Variants in PPP2R2B observed in about 807,000 individuals in gnomAD.
The protein encoded by PPP2R2B is protein phosphatase 2 regulatory subunit Bbeta.
In PPP2R2B, 5 loss-of-function variants were observed where a neutral mutation model predicts 46.0. The ratio of observed to expected loss-of-function variants is 0.11; its 90% CI spans 0.06 to 0.23. The LOEUF (loss-of-function observed/expected upper bound fraction) is 0.23, where lower values mean the gene tolerates loss of function less well. PPP2R2B is among the 10% of genes least tolerant of loss of function. PPP2R2B has a pLI of 1.00. For missense variants in PPP2R2B, 367 were observed against 575.0 expected (o/e 0.64, Z 3.70); for synonymous variants, 215 against 206.7 (o/e 1.04, Z -0.34).
chr5:146,638,905 T>C (rs1172655777), intron 6 of PPP2R2B, among the ~76,000 whole-genome samples: 3 of 152,230 alleles, frequency 2.0e-5, no homozygotes, highest in Non-Finnish European at 1.5e-5. Context: ...AGCCCTTCTT[T>C]ATAATATGTT....
chr5:146,826,695 A>G (rs1397220164), intron 2 of PPP2R2B, among the ~76,000 whole-genome samples: 2 of 152,184 alleles, frequency 1.3e-5, no homozygotes, highest in East Asian at 3.8e-4. Flanking sequence ...ACACCATTTA[A>G]AAATTGCATT....
intron 2 of PPP2R2B, among the ~76,000 whole-genome samples, chr5:146,754,549 G>A (rs1054769488): frequency 6.6e-6 from 1 of 152,130 alleles, no homozygotes; most frequent in African/African-American, 2.4e-5. Context: ...AGCTTAATTC[G>A]CCTCCACTTG....
chr5:146,634,954 C>T (rs910012496), intron 7 of PPP2R2B, among the ~76,000 whole-genome samples: 1 of 152,064 alleles, frequency 6.6e-6, no homozygotes, highest in African/African-American at 2.4e-5. Flanking sequence ...ATGAGGCCTC[C>T]TATATCTGGC....
intron 1 of PPP2R2B, among the ~76,000 whole-genome samples, chr5:147,047,268 T>A (rs1756587853): frequency 6.6e-6 from 1 of 152,052 alleles, no homozygotes; most frequent in South Asian, 2.1e-4. Context: ...AACAATAATG[T>A]CTTAGTTACA....
chr5:146,858,557 T>C (rs1311320086), intron 2 of PPP2R2B, among the ~76,000 whole-genome samples: 1 of 151,916 alleles, frequency 6.6e-6, no homozygotes, highest in Admixed American at 6.6e-5. Flanking sequence ...AAAATGGAAA[T>C]GAGGCAAAAA....
At position 146,587,535 on chromosome 5, in the gene PPP2R2B, T is replaced by C. The variant is rs1315305347; in HGVS notation, c.*2412A>G. The C allele has an allele frequency of 1.3e-5, 2 of 152,214 alleles. No homozygotes were observed. The highest frequency in any genetic ancestry group is 1.9e-4 in the East Asian group (1 of 5,192). The allele number at this position is 152,214 out of a possible 1,614,324, so 9.4% of individuals were successfully genotyped here. ...AGGGGCCTATGAACTCCTTAAACCATGACAAAAATTATTCCTGTGTGTGTT... is the reference window on the plus strand; with the variant it reads ...AGGGGCCTATGAACTCCTTAAACCACGACAAAAATTATTCCTGTGTGTGTT... On this transcript the variant is annotated 3_prime_UTR_variant, in exon 10 of 10. Transcript: ENST00000394411.
intron 7 of PPP2R2B, among the ~76,000 whole-genome samples, chr5:146,635,443 T>C (rs956327853): frequency 2.6e-5 from 4 of 152,214 alleles, no homozygotes; most frequent in African/African-American, 9.7e-5. Context: ...CCTTGCCCTT[T>C]TTCTATCTTG....
At chr5:146,905,431 G>T (rs1762965680) in intron 1 of PPP2R2B, among the ~76,000 whole-genome samples, 1 of 151,950 alleles carries the variant, frequency 6.6e-6, no homozygotes, top group South Asian at 2.1e-4. Context: ...AATAGAGATG[G>T]GATCTCACTA....
intron 1 of PPP2R2B, among the ~76,000 whole-genome samples, chr5:147,000,956 C>G (rs1379486598): frequency 6.6e-6 from 1 of 152,112 alleles, no homozygotes; most frequent in Non-Finnish European, 1.5e-5. Context: ...TCCAATTTGT[C>G]CCTGGTGGGT....
At chr5:146,593,309 A>G (rs1770843833) in intron 8 of PPP2R2B, among the ~76,000 whole-genome samples, 1 of 152,166 alleles carries the variant, frequency 6.6e-6, no homozygotes, top group African/African-American at 2.4e-5. Flanking sequence ...ATCCAGTAAG[A>G]CTAAATAAGT....
chr5:146,946,451 G>A (rs189529052), intron 1 of PPP2R2B, among the ~76,000 whole-genome samples: 28 of 152,164 alleles, frequency 1.8e-4, no homozygotes, highest in African/African-American at 6.7e-4. Context: ...TTTTCAAAAG[G>A]CAGTGCAATC....
upstream of PPP2R2B, among the ~76,000 whole-genome samples, chr5:147,059,841 C>T (rs573693234): frequency 5.3e-4 from 80 of 152,160 alleles, no homozygotes; most frequent in Middle Eastern, 3.2e-3. Flanking sequence ...AGAGCCCCTG[C>T]CTTGGGGCCA....
chr5:146,955,740 T>C (rs1435441163), intron 1 of PPP2R2B, among the ~76,000 whole-genome samples: 1 of 151,746 alleles, frequency 6.6e-6, no homozygotes, highest in East Asian at 1.9e-4. Flanking sequence ...GGTCACTTGA[T>C]AGGTTGTCAT....
chr5:146,915,370 G>T (rs1763344984), intron 1 of PPP2R2B, among the ~76,000 whole-genome samples: 1 of 151,826 alleles, frequency 6.6e-6, no homozygotes, highest in South Asian at 2.1e-4. Context: ...ACAGCCCTTT[G>T]CATGCCCAGC....
intron 1 of PPP2R2B, among the ~76,000 whole-genome samples, chr5:147,012,102 T>G (rs1754765040): frequency 6.7e-6 from 1 of 150,324 alleles, no homozygotes; most frequent in Admixed American, 6.6e-5. Context: ...TAAAATGAGT[T>G]AGGGAGGATT....
rs372581670 is a variant in PPP2R2B, at chr5:146,593,076, A to G, written c.961-14T>C. ...GTAGTCATGAACCTGGAGAGGAAAC[A>G]TATCGAGAAGGTCAGTTATTATTTT... On this transcript the variant is annotated splice_polypyrimidine_tract_variant and intron_variant, in intron 8 of 9. Transcript: ENST00000394411. The G allele has an allele frequency of 2.5e-6, 4 of 1,586,370 alleles. No homozygotes were observed. The highest frequency in any genetic ancestry group is 1.7e-5 in the Admixed American group (1 of 59,968).
chr5:146,801,145 G>T lies in PPP2R2B; in HGVS notation c.70+76857C>A, dbSNP rs73322151. ...TAAAATAGCTAAACATAAAAACAGA[G>T]TAGGATAGCAGTTACCAGGGCCTGA... On this transcript the variant is annotated intron_variant, in intron 2 of 9. Coordinates refer to ENST00000394411, the MANE Select transcript of PPP2R2B (RefSeq NM_181675.4). Among the ~76,000 whole-genome samples the T allele has an allele frequency of 2.0e-5, 3 of 152,086 alleles. No individual in the cohort carries two copies. The South Asian group carries it at 6.2e-4, about 32-fold the overall frequency.
intron 7 of PPP2R2B, among the ~76,000 whole-genome samples, chr5:146,625,726 A>C (rs1041559564): frequency 7.2e-5 from 11 of 152,192 alleles, no homozygotes; most frequent in African/African-American, 2.4e-4. Context: ...TAATGCCCGG[A>C]ACCTGGGAAT....
intron 1 of PPP2R2B, among the ~76,000 whole-genome samples, chr5:146,940,506 T>C (rs1424079047): frequency 2.9e-5 from 4 of 138,006 alleles, no homozygotes; most frequent in African/African-American, 1.1e-4. Context: ...GAACATTTGC[T>C]AGGGGAAAAA....
Sources: gnomAD v4.1 joint callset for allele counts (sites outside exome capture counted in the v4.1 genomes callset) on GRCh38, gnomAD v4.1.1 for gene constraint, MANE v1.5 for transcripts, NCBI Gene and HGNC (gene_info 2026-07-23, HGNC 2026-07-21) for gene names.